MAGEA11: variants seen among roughly 807,000 people sequenced by gnomAD.
MAGEA11 encodes the protein MAGE family member A11.
Under a neutral mutation model 8.4 loss-of-function variants are expected in MAGEA11, and 1 was observed. The observed-to-expected ratio is 0.12, with a 90% CI of 0.04 to 0.57. The LOEUF is 0.57. MAGEA11 is among the 20% of genes least tolerant of loss of function. The pLI, the probability that MAGEA11 is intolerant of heterozygous loss-of-function variation, is 0.91. For synonymous variants in MAGEA11, 127 were observed against 119.3 expected (o/e 1.06, Z -0.42); for missense variants, 209 against 317.3 (o/e 0.66, Z 2.59).
chrX:149,704,302 G>A (rs1244936497), intron 1 of MAGEA11, among the ~76,000 whole-genome samples: 2 of 112,275 alleles, frequency 1.8e-5, no homozygotes, highest in African/African-American at 3.2e-5. Flanking sequence ...TCAGAACCGC[G>A]ACCCCTGCAA....
At chrX:149,702,453 G>A (rs925158214) in intron 1 of MAGEA11, among the ~76,000 whole-genome samples, 1 of 110,721 alleles carries the variant, frequency 9.0e-6, no homozygotes, top group East Asian at 2.8e-4. Flanking sequence ...TTATTTTAAA[G>A]TCTATTTTGT....
chrX:149,716,805 A>G lies in MAGEA11; in HGVS notation c.*29A>G. The stretch of plus-strand genomic sequence containing the variant: ...TGAGATGCAACCAGGGCCAGCGGGC[A>G]GGGAAATGGGCCAATGCATGCTTCA... On this transcript the variant is annotated 3_prime_UTR_variant, in exon 5 of 5. Transcript: ENST00000355220. 8.6e-7 allele frequency: 1 copy of G among 1,161,058 alleles called. No individual in the cohort carries two copies. Among genetic ancestry groups the G allele is most frequent in the Non-Finnish European group, 1.2e-6 (1 of 865,971 alleles).
intron 1 of MAGEA11, among the ~76,000 whole-genome samples, chrX:149,692,733 C>T (rs931675871): frequency 8.9e-5 from 10 of 111,890 alleles, no homozygotes; most frequent in African/African-American, 1.3e-4. Flanking sequence ...TGTGTCCCCA[C>T]CCAAATCTCA....
chrX:149,715,525 C>A, intron 3 of MAGEA11, 79 bp from the exon 4 acceptor site: 1 of 695,348 alleles, frequency 1.4e-6, no homozygotes, highest in Non-Finnish European at 2.3e-6. Context: ...TGCAACCTCA[C>A]CTGCCCTACC....
At chrX:149,707,629 C>A (rs1004837657), upstream of MAGEA11, among the ~76,000 whole-genome samples, 8 of 111,942 alleles carry the variant, frequency 7.1e-5, no homozygotes, top group Admixed American at 2.8e-4. Flanking sequence ...CAATTTGGTA[C>A]AATGATTCTA....
rs782589910 is a variant in MAGEA11, at chrX:149,702,892, A to G, written c.10-11589A>G. Among the ~76,000 whole-genome samples, 9 of 112,225 alleles carry G rather than the reference A, an allele frequency of 8.0e-5. No individual in the cohort carries two copies. The South Asian group carries it at 2.6e-3, about 33-fold the overall frequency. On this transcript the variant is annotated intron_variant, in intron 1 of 3. Transcript: ENST00000333104. ...TTGATAGTTTAACTTGTACCAATCT[A>G]TTTAAATTAATACCAACTTAATTAA...
rs1051378869 is a variant in MAGEA11, at chrX:149,715,680, A to G, written c.266+3A>G. On this transcript the variant is annotated splice_donor_region_variant and intron_variant, in intron 4 of 4. Coordinates refer to ENST00000355220, the MANE Select transcript of MAGEA11 (RefSeq NM_005366.5). ...AGGATCACTGGAGGAGAACAAGTGTAAGTAGGCCTTTGTTAGATTCTCCAT... is the reference window on the plus strand; with the variant it reads ...AGGATCACTGGAGGAGAACAAGTGTGAGTAGGCCTTTGTTAGATTCTCCAT... 8.3e-7 allele frequency: 1 copy of G among 1,199,111 alleles called. No individual in the cohort carries two copies. Among genetic ancestry groups the G allele is most frequent in the African/African-American group, 1.7e-5 (1 of 57,563 alleles).
intron 1 of MAGEA11, among the ~76,000 whole-genome samples, chrX:149,692,867 G>C (rs111221921): frequency 9.0e-6 from 1 of 111,633 alleles, no homozygotes; most frequent in Non-Finnish European, 1.9e-5. Context: ...GTTCTATGAA[G>C]GGGAGTTTCC....
chrX:149,713,609 C>T, intron 2 of MAGEA11: 1 of 150,784 alleles, frequency 6.6e-6, no homozygotes, highest in Non-Finnish European at 1.3e-5. Context: ...AATCTGAATA[C>T]CTGGAGGAAA....
upstream of MAGEA11, chrX:149,688,697 CATATACAT>C (rs2090297759): frequency 8.2e-5 from 17 of 207,970 alleles, no homozygotes; most frequent in African/African-American, 2.7e-4. Flanking sequence ...TATACATATA[CATATACAT>C]ATACACATAC....
upstream of MAGEA11, among the ~76,000 whole-genome samples, chrX:149,708,242 T>C (rs2090385320): frequency 8.9e-6 from 1 of 112,030 alleles, no homozygotes; most frequent in Non-Finnish European, 1.9e-5. Context: ...AGGATTCTTG[T>C]AGTTTGAGGT....
upstream of MAGEA11, among the ~76,000 whole-genome samples, chrX:149,709,996 GGAAA>G (rs782125836): frequency 8.9e-6 from 1 of 111,733 alleles, no homozygotes; most frequent in East Asian, 2.8e-4. Context: ...TATGTGTATT[GGAAA>G]GAAAGAGTGA....
intron 1 of MAGEA11, among the ~76,000 whole-genome samples, chrX:149,696,896 C>T (rs782783982): frequency 1.8e-5 from 2 of 112,175 alleles, no homozygotes; most frequent in Non-Finnish European, 3.8e-5. Flanking sequence ...CTGTACCTTC[C>T]ATCAAACACT....
At chrX:149,697,371 C>T (rs1350258948) in intron 1 of MAGEA11, among the ~76,000 whole-genome samples, 1 of 111,588 alleles carries the variant, frequency 9.0e-6, no homozygotes, top group Non-Finnish European at 1.9e-5. Flanking sequence ...AGTCTCCTTC[C>T]AGTCTTTTCC....
intron 3 of MAGEA11, 134 bp from the exon 4 acceptor site, chrX:149,715,470 T>C: frequency 2.1e-6 from 1 of 471,904 alleles, no homozygotes; most frequent in Non-Finnish European, 3.7e-6. Context: ...ACCCTTAATC[T>C]ACAAATGGCC....
intron 1 of MAGEA11, among the ~76,000 whole-genome samples, chrX:149,694,882 C>T (rs1251411234): frequency 6.3e-5 from 7 of 110,505 alleles, no homozygotes; most frequent in East Asian, 2.8e-4. Flanking sequence ...TCATCACACC[C>T]GGCTACCTTT....
intron 1 of MAGEA11, among the ~76,000 whole-genome samples, chrX:149,701,503 C>G (rs1182794713): frequency 9.2e-6 from 1 of 108,160 alleles, no homozygotes; most frequent in African/African-American, 3.4e-5. Flanking sequence ...AAATTTTCTC[C>G]CATTTTGTAG....
chrX:149,715,770 C>A lies in MAGEA11; in HGVS notation c.284C>A (p.Thr95Asn). The A allele has an allele frequency of 8.3e-7, 1 of 1,202,469 alleles. No individual in the cohort carries two copies. The highest frequency in any genetic ancestry group is 3.0e-5 in the East Asian group (1 of 33,771). ...GGEQVLWGPI[T>N]QIFPTVRPAD... ...CTCCCCAGGCTGTGGGGCCCCATCA[C>A]CCAGATATTTCCCACAGTTCGGCCT... The change falls in exon 5 of 5, where the codon ACC (threonine) becomes AAC (asparagine). Residue 95 changes from threonine to asparagine, a missense_variant. Thr to Asn is a moderately conservative substitution (Grantham distance 65). Around this residue, in one of 2 missense-constraint regions of MAGEA11, gnomAD observed 131 missense variants for 138.5 expected, o/e 0.95. Transcript: ENST00000355220.
intron 1 of MAGEA11, among the ~76,000 whole-genome samples, 158 bp downstream of exon 1, chrX:149,712,320 A>G (rs189694638): frequency 0.021 from 2,292 of 111,276 alleles, 67 homozygotes; most frequent in African/African-American, 0.072. Flanking sequence ...CTGCGAGTCT[A>G]TGGTGTGACC....
Sources: gnomAD v4.1 joint callset for allele counts (sites outside exome capture counted in the v4.1 genomes callset) on GRCh38, gnomAD v4.1.1 for gene constraint, gnomAD v4.1.1 regional missense constraint, MANE v1.5 for transcripts, NCBI Gene and HGNC (gene_info 2026-07-23, HGNC 2026-07-21) for gene names.